CAPZB: variants seen among roughly 807,000 people sequenced by gnomAD.
CAPZB encodes capping actin protein of muscle Z-line subunit beta, also known as F-actin-capping protein subunit beta.
Under a neutral mutation model 38.1 loss-of-function variants are expected in CAPZB, and 2 were observed. The ratio of observed to expected loss-of-function variants is 0.05; its 90% CI spans 0.02 to 0.17. The LOEUF is 0.17. Among genes scored for constraint, CAPZB ranks in the 10% least tolerant of loss-of-function variants. The pLI, the probability that CAPZB is intolerant of heterozygous loss-of-function variation, is 1.00. For synonymous variants in CAPZB, 107 were observed against 127.4 expected (o/e 0.84, Z 1.08); for missense variants, 161 against 334.2 (o/e 0.48, Z 4.04).
intron 4 of CAPZB, among the ~76,000 whole-genome samples, chr1:19,374,708 A>C (rs903510282): frequency 2.6e-5 from 4 of 152,168 alleles, no homozygotes; most frequent in African/African-American, 9.7e-5. Flanking sequence ...GACACCAGCC[A>C]CTTTCCTGGC....
intron 2 of CAPZB, among the ~76,000 whole-genome samples, chr1:19,403,158 G>A (rs2094312282): frequency 1.3e-5 from 2 of 152,228 alleles, no homozygotes; most frequent in South Asian, 4.1e-4. Context: ...TTGTCACTCT[G>A]ACCCTGGTGC....
chr1:19,371,272 G>A (rs115338988), intron 4 of CAPZB, among the ~76,000 whole-genome samples: 262 of 152,296 alleles, frequency 1.7e-3, no homozygotes, highest in African/African-American at 6.0e-3. Context: ...CATCAGGTCC[G>A]CCACCCAAAT....
rs1558291243 is a variant in CAPZB, at chr1:19,470,539, GT to G, written c.3+14896del. ...AAGATGAGCTTTGAAACAGGCCTAAGTTTATGTGGCAGAAAAGACTCACACA... is the reference window on the plus strand; with the variant it reads ...AAGATGAGCTTTGAAACAGGCCTAAGTTATGTGGCAGAAAAGACTCACACA... On this transcript the variant is annotated intron_variant, in intron 1 of 8. Coordinates refer to ENST00000264202, the MANE Select transcript of CAPZB (RefSeq NM_004930.5). Among the ~76,000 whole-genome samples, 15 of 152,346 alleles carry G rather than the reference GT, an allele frequency of 9.8e-5. No homozygotes were observed. The South Asian group carries it at 3.1e-3, about 32-fold the overall frequency.
intron 1 of CAPZB, among the ~76,000 whole-genome samples, chr1:19,425,218 C>T (rs185254254): frequency 6.6e-6 from 1 of 152,334 alleles, no homozygotes; most frequent in Non-Finnish European, 1.5e-5. Context: ...CTCCTTCATA[C>T]AATGAGCTTC....
At chr1:19,359,351 C>G (rs907159287) in intron 4 of CAPZB, among the ~76,000 whole-genome samples, 3 of 152,092 alleles carry the variant, frequency 2.0e-5, no homozygotes, top group Non-Finnish European at 4.4e-5. Flanking sequence ...GCAAGGCATC[C>G]TCCCAGGAGA....
chr1:19,412,309 A>AC (rs746206105), intron 2 of CAPZB, among the ~76,000 whole-genome samples: 7 of 152,164 alleles, frequency 4.6e-5, no homozygotes, highest in Admixed American at 6.5e-5. Context: ...TTCCAGGCAG[A>AC]CCCTAGGATG....
At chr1:19,415,453 G>T (rs987246419) in intron 2 of CAPZB, among the ~76,000 whole-genome samples, 3 of 152,210 alleles carry the variant, frequency 2.0e-5, no homozygotes, top group Admixed American at 1.3e-4. Flanking sequence ...TGCTACAACA[G>T]TATACTCAGC....
chr1:19,340,673 A>G (rs2100216367), intron 8 of CAPZB, among the ~76,000 whole-genome samples: 1 of 152,268 alleles, frequency 6.6e-6, no homozygotes, highest in South Asian at 2.1e-4. Flanking sequence ...CTCTACAACG[A>G]CAACAACAAA....
chr1:19,483,184 T>A (rs1470717990), intron 1 of CAPZB, among the ~76,000 whole-genome samples: 1 of 151,580 alleles, frequency 6.6e-6, no homozygotes, highest in Non-Finnish European at 1.5e-5. Context: ...ATACAAAGGA[T>A]CTAAAATACA....
At chr1:19,421,369 A>G (rs1481150822) in intron 1 of CAPZB, among the ~76,000 whole-genome samples, 1 of 152,252 alleles carries the variant, frequency 6.6e-6, no homozygotes, top group Non-Finnish European at 1.5e-5. Flanking sequence ...TTGACATGGC[A>G]TATACAGCCA....
intron 1 of CAPZB, among the ~76,000 whole-genome samples, chr1:19,439,638 T>C (rs2094469251): frequency 6.6e-6 from 1 of 152,246 alleles, no homozygotes; most frequent in South Asian, 2.1e-4. Flanking sequence ...GTGCAAGTTC[T>C]CTGCCACATG....
chr1:19,387,091 T>C (rs192677164), intron 2 of CAPZB, among the ~76,000 whole-genome samples: 176 of 152,360 alleles, frequency 1.2e-3, no homozygotes, highest in Non-Finnish European at 2.0e-3. Flanking sequence ...GTAGAGCATA[T>C]TGTTGACTTG....
chr1:19,375,331 T>C lies in CAPZB; in HGVS notation c.329+3209A>G, dbSNP rs1386977815. Among the ~76,000 whole-genome samples, 4 of 152,306 alleles carry C rather than the reference T, an allele frequency of 2.6e-5. No individual in the cohort carries two copies. In the East Asian group the frequency reaches 5.8e-4, roughly 22 times the overall value. On this transcript the variant is annotated intron_variant, in intron 4 of 8. Coordinates refer to ENST00000264202, the MANE Select transcript of CAPZB (RefSeq NM_004930.5). ...TCCGATGGCACTGGGTGAGTCAAAATTCATGCCTCTGGTATCCCGGATGGC... is the reference window on the plus strand; with the variant it reads ...TCCGATGGCACTGGGTGAGTCAAAACTCATGCCTCTGGTATCCCGGATGGC...
intron 2 of CAPZB, among the ~76,000 whole-genome samples, chr1:19,405,934 A>G (rs2094329671): frequency 6.6e-6 from 1 of 152,184 alleles, no homozygotes; most frequent in African/African-American, 2.4e-5. Flanking sequence ...TCTCCTGTAC[A>G]CAAAGCCTCT....
At chr1:19,363,543 G>C (rs575112354) in intron 4 of CAPZB, among the ~76,000 whole-genome samples, 1 of 152,144 alleles carries the variant, frequency 6.6e-6, no homozygotes, top group South Asian at 2.1e-4. Flanking sequence ...CAGGACTTCT[G>C]GGGGGAAGGA....
At chr1:19,460,411 GGACT>G (rs1287895035) in intron 1 of CAPZB, among the ~76,000 whole-genome samples, 1 of 152,076 alleles carries the variant, frequency 6.6e-6, no homozygotes, top group African/African-American at 2.4e-5. Flanking sequence ...CGAGTAGCTG[GGACT>G]ACAGGTGCCC....
chr1:19,395,477 T>G (rs1022901725), intron 2 of CAPZB, among the ~76,000 whole-genome samples: 1 of 152,188 alleles, frequency 6.6e-6, no homozygotes, highest in African/African-American at 2.4e-5. Flanking sequence ...CCCCAAAGCT[T>G]TGCCCTCTGG....
intron 3 of CAPZB, among the ~76,000 whole-genome samples, chr1:19,383,460 A>G (rs999371317): frequency 2.6e-5 from 4 of 151,666 alleles, no homozygotes; most frequent in African/African-American, 9.7e-5. Flanking sequence ...AAAAAAAAAA[A>G]AAAAAATTAG....
intron 1 of CAPZB, among the ~76,000 whole-genome samples, chr1:19,430,914 TCTCAGGCA>T (rs1253467271): frequency 6.6e-6 from 1 of 152,200 alleles, no homozygotes; most frequent in Admixed American, 6.5e-5. Context: ...CCGCCACGTT[TCTCAGGCA>T]CTGTGCTTGG....
Sources: gnomAD v4.1 joint callset for allele counts (sites outside exome capture counted in the v4.1 genomes callset) on GRCh38, gnomAD v4.1.1 for gene constraint, MANE v1.5 for transcripts, NCBI Gene and HGNC (gene_info 2026-07-23, HGNC 2026-07-21) for gene names.